Variants in CEP57 observed in about 807,000 individuals in gnomAD.
CEP57 encodes centrosomal protein of 57 kDa.
Under a neutral mutation model 68.0 loss-of-function variants are expected in CEP57, and 40 were observed. That is an observed-to-expected ratio of 0.59 (90% CI 0.46 to 0.77). The LOEUF (loss-of-function observed/expected upper bound fraction) is 0.77, where lower values mean the gene tolerates loss of function less well. CEP57 is among the 30% of genes least tolerant of loss of function. CEP57 has a pLI of 0.00. For missense variants in CEP57, 606 were observed against 580.7 expected, an observed-to-expected ratio of 1.04 and a Z score of -0.45; for synonymous variants, 219 against 198.7, an observed-to-expected ratio of 1.10 and a Z score of -0.86.
At chr11:95,828,675 TAAGA>T (rs1862862601) in intron 9 of CEP57, among the ~76,000 whole-genome samples, 2 of 152,178 alleles carry the variant, frequency 1.3e-5, no homozygotes, top group Admixed American at 1.3e-4. Context: ...TTGGGGAAAA[TAAGA>T]ATATAAAGAA....
At chr11:95,792,821 G>A (rs556323774) in intron 1 of CEP57, among the ~76,000 whole-genome samples, 3 of 151,916 alleles carry the variant, frequency 2.0e-5, no homozygotes, top group South Asian at 4.1e-4. Context: ...GTAAGAAAAC[G>A]TCCTGCTTAG....
At chr11:95,823,891 GAAT>G (rs926239485) in intron 8 of CEP57, among the ~76,000 whole-genome samples, 3 of 152,004 alleles carry the variant, frequency 2.0e-5, no homozygotes, top group Admixed American at 2.0e-4. Flanking sequence ...TAAATAATTT[GAAT>G]AATATCATGG....
intron 10 of CEP57, among the ~76,000 whole-genome samples, chr11:95,830,778 T>G (rs1274086185): frequency 1.3e-5 from 2 of 151,928 alleles, no homozygotes; most frequent in Non-Finnish European, 2.9e-5. Context: ...AGAATTTGTT[T>G]ACTCATGTCT....
At chr11:95,821,197 T>TTTTTG (rs766404462) in intron 6 of CEP57, among the ~76,000 whole-genome samples, 8 of 152,104 alleles carry the variant, frequency 5.3e-5, no homozygotes, top group Admixed American at 2.0e-4. Context: ...CCAGACAGGT[T>TTTTTG]TTTTGTTTTG....
chr11:95,806,483 C>G (rs1476609062), intron 2 of CEP57, among the ~76,000 whole-genome samples: 1 of 152,170 alleles, frequency 6.6e-6, no homozygotes, highest in Non-Finnish European at 1.5e-5. Context: ...CAAGGGAAGC[C>G]TTGACACACA....
intron 6 of CEP57, among the ~76,000 whole-genome samples, chr11:95,820,946 C>T (rs1042768121): frequency 2.0e-5 from 3 of 152,208 alleles, no homozygotes; most frequent in African/African-American, 7.2e-5. Flanking sequence ...AAGCTGCACT[C>T]ATGTGGGAAG....
chr11:95,821,197 T>TTTTTGTTTTG (rs766404462), intron 6 of CEP57, among the ~76,000 whole-genome samples: 1 of 152,104 alleles, frequency 6.6e-6, no homozygotes, highest in Non-Finnish European at 1.5e-5. Flanking sequence ...CCAGACAGGT[T>TTTTTGTTTTG]TTTTGTTTTG....
Position 95,827,886 on chromosome 11 carries a change from G to C in CEP57, c.986G>C (p.Ser329Thr). 6.2e-7 allele frequency: 1 copy of C among 1,614,154 alleles called. No homozygotes were observed. The highest frequency in any genetic ancestry group is 8.5e-7 in the Non-Finnish European group (1 of 1,180,020). The change falls in exon 9 of 11, where the codon AGT becomes ACT. Residue 329 changes from serine to threonine, a missense_variant. Physicochemically the swap from Ser to Thr is moderately conservative, Grantham distance 58. Transcript: ENST00000325542. The part of the protein sequence containing the change: ...KALCNDRVIN[S>T]IPLAKQVSSR... Reference sequence around the variant, plus strand: ...TTGTGCAATGATCGAGTCATCAACAGTATTCCTTTGGCAAAGCAAGTATCT... The same window carrying C: ...TTGTGCAATGATCGAGTCATCAACACTATTCCTTTGGCAAAGCAAGTATCT...
intron 4 of CEP57, among the ~76,000 whole-genome samples, chr11:95,814,775 T>C (rs1007232569): frequency 6.6e-6 from 1 of 152,194 alleles, no homozygotes; most frequent in African/African-American, 2.4e-5. Flanking sequence ...GTTTATATGC[T>C]TAACATTATG....
intron 2 of CEP57, among the ~76,000 whole-genome samples, chr11:95,811,369 G>A (rs536415032): frequency 2.3e-4 from 32 of 139,240 alleles, no homozygotes; most frequent in African/African-American, 8.2e-4. Context: ...TCATAGGTGG[G>A]AATTGAACAA....
At chr11:95,793,707 G>A (rs1048317052) in intron 1 of CEP57, among the ~76,000 whole-genome samples, 3 of 152,108 alleles carry the variant, frequency 2.0e-5, no homozygotes, top group Non-Finnish European at 4.4e-5. Context: ...TCTGAGATTG[G>A]CATTAATATT....
At chr11:95,812,205 TTAA>T (rs1862094934) in intron 2 of CEP57, among the ~76,000 whole-genome samples, 1 of 151,984 alleles carries the variant, frequency 6.6e-6, no homozygotes, top group Admixed American at 6.6e-5. Flanking sequence ...TGTGCTCCTA[TTAA>T]TAAAATGTAT....
intron 2 of CEP57, among the ~76,000 whole-genome samples, chr11:95,810,220 T>A (rs1861994753): frequency 6.6e-6 from 1 of 152,204 alleles, no homozygotes; most frequent in African/African-American, 2.4e-5. Flanking sequence ...ATGAGTGATT[T>A]GTGACAAACC....
intron 8 of CEP57, among the ~76,000 whole-genome samples, chr11:95,825,506 A>T (rs986310496): frequency 2.0e-5 from 3 of 152,194 alleles, no homozygotes; most frequent in Non-Finnish European, 2.9e-5. Context: ...CACAAGATGA[A>T]GAAGACAACA....
At chr11:95,811,519 T>G (rs1051767545) in intron 2 of CEP57, among the ~76,000 whole-genome samples, 6 of 151,222 alleles carry the variant, frequency 4.0e-5, no homozygotes, top group Non-Finnish European at 8.8e-5. Context: ...ACATGGCACA[T>G]GTATACATAT....
chr11:95,824,011 G>A (rs1343741796), intron 8 of CEP57, among the ~76,000 whole-genome samples: 1 of 149,848 alleles, frequency 6.7e-6, no homozygotes, highest in African/African-American at 2.5e-5. Flanking sequence ...ACCATAGATT[G>A]AGGTCTGCAG....
chr11:95,792,815 G>A (rs544678884), intron 1 of CEP57, among the ~76,000 whole-genome samples: 62 of 151,794 alleles, frequency 4.1e-4, no homozygotes, highest in Admixed American at 3.1e-3. Flanking sequence ...TGGTGCGTAA[G>A]AAAACGTCCT....
intron 2 of CEP57, among the ~76,000 whole-genome samples, chr11:95,811,949 T>G (rs56298021): frequency 0.59 from 89,648 of 151,536 alleles, 28,613 homozygotes; most frequent in African/African-American, 0.85. Context: ...ACCTACATAT[T>G]TGTTTTGTCT....
intron 2 of CEP57, among the ~76,000 whole-genome samples, chr11:95,806,714 C>A (rs142081586): frequency 6.6e-6 from 1 of 152,106 alleles, no homozygotes; most frequent in African/African-American, 2.4e-5. Context: ...AGGTAAACAG[C>A]GGTCTGGAAG....
Sources: allele counts gnomAD v4.1 joint callset (sites outside exome capture counted in the v4.1 genomes callset), GRCh38; gene constraint gnomAD v4.1.1; transcripts MANE v1.5; gene names NCBI Gene and HGNC (gene_info 2026-07-23, HGNC 2026-07-21).